The following CASR variants were observed in gnomAD, a reference collection of about 807,000 sequenced individuals.
CASR encodes extracellular calcium-sensing receptor.
In CASR, 23 loss-of-function variants were observed where a neutral mutation model predicts 69.1. The ratio of observed to expected loss-of-function variants is 0.33; its 90% CI spans 0.24 to 0.47. The LOEUF is 0.47. CASR is among the 20% of genes least tolerant of loss of function. The pLI, the probability that CASR is intolerant of heterozygous loss-of-function variation, is 1.00. For synonymous variants in CASR, 541 were observed against 544.7 expected, an observed-to-expected ratio of 0.99 and a Z score of 0.10; for missense variants, 924 against 1,356.1, an observed-to-expected ratio of 0.68 and a Z score of 5.00.
intron 1 of CASR, among the ~76,000 whole-genome samples, chr3:122,207,507 A>G (rs925649519): frequency 3.3e-5 from 5 of 152,182 alleles, no homozygotes; most frequent in African/African-American, 1.2e-4. Flanking sequence ...CTAGAAATCA[A>G]TGAGAAGAGG....
intron 1 of CASR, among the ~76,000 whole-genome samples, chr3:122,194,279 C>A (rs925762067): frequency 1.3e-5 from 2 of 152,152 alleles, no homozygotes; most frequent in Non-Finnish European, 2.9e-5. Context: ...GGCCTTTTAT[C>A]ATATATGCAT....
rs371308080 is a variant in CASR, at chr3:122,196,302, A to G, written c.-243+12490A>G. 4.6e-5 allele frequency among the ~76,000 whole-genome samples: 7 copies of G among 152,286 alleles called. No homozygotes were observed. In the East Asian group the frequency reaches 1.3e-3, roughly 29 times the overall value. On this transcript the variant is annotated intron_variant, in intron 1 of 6. Transcript: ENST00000639785. Reference sequence around the variant, plus strand: ...TACCATAGGATTTCAGATTCAATCAATTTTTAAAAAATAGATACTACAAAA... The same window carrying G: ...TACCATAGGATTTCAGATTCAATCAGTTTTTAAAAAATAGATACTACAAAA...
chr3:122,245,389 A>G (rs1045296100), intron 1 of CASR: 4 of 152,208 alleles, frequency 2.6e-5, no homozygotes, highest in African/African-American at 9.7e-5. Context: ...AACAAAAAAT[A>G]AAACAGGGAA....
At chr3:122,185,771 C>T (rs2073773355) in intron 1 of CASR, among the ~76,000 whole-genome samples, 2 of 152,188 alleles carry the variant, frequency 1.3e-5, no homozygotes, top group South Asian at 2.1e-4. Context: ...TGCTTTATAC[C>T]TGCCTCCCAG....
intron 1 of CASR, among the ~76,000 whole-genome samples, chr3:122,199,831 G>A (rs944040335): frequency 1.4e-5 from 1 of 71,328 alleles, no homozygotes; most frequent in African/African-American, 6.0e-5. Flanking sequence ...ACTATACCGT[G>A]ACTATAACTA....
chr3:122,192,153 G>T (rs1299125648), intron 1 of CASR, among the ~76,000 whole-genome samples: 1 of 152,228 alleles, frequency 6.6e-6, no homozygotes, highest in Non-Finnish European at 1.5e-5. Context: ...GTTAAATACA[G>T]TGTGGTGGAT....
At chr3:122,236,640 T>C (rs1230946548) in intron 1 of CASR, among the ~76,000 whole-genome samples, 4 of 152,100 alleles carry the variant, frequency 2.6e-5, no homozygotes, top group African/African-American at 9.7e-5. Flanking sequence ...TGGACATGAG[T>C]CAGCCAAATT....
At chr3:122,272,653 C>T (rs2074773526) in intron 4 of CASR, among the ~76,000 whole-genome samples, 1 of 152,172 alleles carries the variant, frequency 6.6e-6, no homozygotes, top group East Asian at 1.9e-4. Context: ...ATATTTATGT[C>T]GTGCATTTTA....
chr3:122,282,084 C>T (rs2074895745), intron 5 of CASR, 29 bp from the exon 6 acceptor site: 1 of 1,614,066 alleles, frequency 6.2e-7, no homozygotes, highest in Admixed American at 1.7e-5. Flanking sequence ...CAACTACAGC[C>T]ACTCACCTTT....
At chr3:122,274,135 G>A (rs1452545103) in intron 4 of CASR, among the ~76,000 whole-genome samples, 1 of 152,180 alleles carries the variant, frequency 6.6e-6, no homozygotes, top group East Asian at 1.9e-4. Context: ...AGCAGCTCTG[G>A]TTGCAGAACC....
intron 4 of CASR, among the ~76,000 whole-genome samples, chr3:122,268,385 G>C (rs1350206198): frequency 2.0e-5 from 3 of 152,216 alleles, no homozygotes; most frequent in Non-Finnish European, 4.4e-5. Flanking sequence ...CAGGTGATCT[G>C]TTCCCCAAAG....
At chr3:122,193,188 G>T (rs2073855232) in intron 1 of CASR, among the ~76,000 whole-genome samples, 1 of 134,208 alleles carries the variant, frequency 7.5e-6, no homozygotes, top group African/African-American at 3.0e-5. Flanking sequence ...TTTCATTTCT[G>T]GTTTTTTTTT....
intron 3 of CASR, among the ~76,000 whole-genome samples, chr3:122,260,755 G>A (rs2074611335): frequency 6.6e-6 from 1 of 152,156 alleles, no homozygotes; most frequent in Non-Finnish European, 1.5e-5. Context: ...GAGAGGAAGG[G>A]AGGTTTTTCT....
chr3:122,290,746 T>C lies in CASR; in HGVS notation c.*5555T>C, dbSNP rs1241480405. 6.6e-6 allele frequency: 1 copy of C among 152,104 alleles called. No individual in the cohort carries two copies. Among genetic ancestry groups the C allele is most frequent in the Admixed American group, 6.5e-5 (1 of 15,278 alleles). 9.4% of individuals were successfully genotyped at this position (152,104 alleles called of 1,614,324 possible). On this transcript the variant is annotated 3_prime_UTR_variant, in exon 7 of 7. Transcript: ENST00000639785. The stretch of plus-strand genomic sequence containing the variant: ...TTTCTTTATTCTTTTTTTTTTATTA[T>C]ACTTTAAGTTTTAGGGTACATGTGC...
intron 1 of CASR, among the ~76,000 whole-genome samples, chr3:122,226,881 G>C (rs905256131): frequency 6.6e-6 from 1 of 151,768 alleles, no homozygotes; most frequent in African/African-American, 2.4e-5. Context: ...TGATTGGTGT[G>C]TCCACAATCC....
At chr3:122,215,654 CAA>C (rs1294022540) in intron 1 of CASR, among the ~76,000 whole-genome samples, 1 of 152,110 alleles carries the variant, frequency 6.6e-6, no homozygotes, top group Admixed American at 6.5e-5. Context: ...TCAGTTTTGT[CAA>C]AGTTTCCACC....
intron 1 of CASR, among the ~76,000 whole-genome samples, chr3:122,230,460 G>C (rs1316152832): frequency 2.0e-5 from 3 of 152,224 alleles, no homozygotes; most frequent in Admixed American, 6.5e-5. Flanking sequence ...AGCAGCGGGG[G>C]CGGGGATGCT....
chr3:122,187,160 G>T (rs779374127), intron 1 of CASR, among the ~76,000 whole-genome samples: 28 of 152,114 alleles, frequency 1.8e-4, no homozygotes, highest in Non-Finnish European at 3.8e-4. Flanking sequence ...TACACTGACT[G>T]TTCAATGTTA....
intron 1 of CASR, chr3:122,246,784 C>A (rs2074432121): frequency 6.6e-6 from 1 of 152,206 alleles, no homozygotes; most frequent in African/African-American, 2.4e-5. Flanking sequence ...CCACATGTCC[C>A]CAGTGGTCCT....
Sources: gnomAD v4.1 joint callset for allele counts (sites outside exome capture counted in the v4.1 genomes callset) on GRCh38, gnomAD v4.1.1 for gene constraint, MANE v1.5 for transcripts, NCBI Gene and HGNC (gene_info 2026-07-23, HGNC 2026-07-21) for gene names.